HELZ2: variants seen among roughly 807,000 people sequenced by gnomAD.
HELZ2 encodes the protein helicase with zinc finger 2.
A neutral mutation model predicts 208.8 loss-of-function variants in HELZ2; 143 were observed. The ratio of observed to expected loss-of-function variants is 0.68; its 90% CI spans 0.60 to 0.79. The LOEUF is 0.79. HELZ2 is among the 30% of genes least tolerant of loss of function. HELZ2 has a pLI of 0.00. For missense variants in HELZ2, 3,690 were observed against 3,794.5 expected (o/e 0.97, Z 0.72); for synonymous variants, 1,705 against 1,693.7 (o/e 1.01, Z -0.16).
exon 8 of HELZ2, chr20:63,565,169 G>A (rs1439746601): frequency 6.2e-7 from 1 of 1,601,074 alleles, no homozygotes; most frequent in Non-Finnish European, 8.5e-7. Flanking sequence ...GCCATTGATG[G>A]GGACCATGAT....
chr20:63,558,639 A>G (rs2082840958), downstream of HELZ2: 1 of 152,184 alleles, frequency 6.6e-6, no homozygotes, highest in Non-Finnish European at 1.5e-5. Context: ...CCTGGAGTCA[A>G]GCGATTCTCC....
chr20:63,564,262 C>T (rs749599121), exon 8 of HELZ2: 33 of 1,611,230 alleles, frequency 2.0e-5, no homozygotes, highest in Non-Finnish European at 2.5e-5. Flanking sequence ...TGATGTGGGC[C>T]GCGCGGAAGC....
At chr20:63,565,591 C>T (rs2082944215) in exon 8 of HELZ2, 1 of 1,609,562 alleles carries the variant, frequency 6.2e-7, no homozygotes, top group Non-Finnish European at 8.5e-7. Flanking sequence ...CGTCCAGAAG[C>T]TCCCGTAGGA....
intron 3 of HELZ2, chr20:63,570,138 T>C (rs1212053044): frequency 2.3e-5 from 8 of 351,622 alleles, no homozygotes; most frequent in Admixed American, 3.9e-5. Context: ...TTTTTTTTTT[T>C]CAGTAGAGAC....
In HELZ2 at chr20:63,561,813, C is replaced by T. The variant is rs907025497; in HGVS notation, c.6691+10G>A. On this transcript the variant is annotated intron_variant, in intron 11 of 18. Coordinates refer to ENST00000467148, the Ensembl canonical transcript of HELZ2. Reference sequence around the variant, plus strand: ...CTCCCCAAAGGCCCCCACCGCCGACCCCGGCGCACCTGCCAGGACATCCAC... The same window carrying T: ...CTCCCCAAAGGCCCCCACCGCCGACTCCGGCGCACCTGCCAGGACATCCAC... 5.8e-6 allele frequency: 9 copies of T among 1,555,502 alleles called. No homozygotes were observed. Among genetic ancestry groups the T allele is most frequent in the African/African-American group, 1.4e-5 (1 of 73,346 alleles).
Position 63,567,163 on chromosome 20 carries a change from G to A in HELZ2, c.2195C>T (p.Ala732Val), listed in dbSNP as rs535211624. Residue 732 changes from alanine to valine, a missense_variant, in exon 6 of 19, where the codon GCG becomes GTG. Ala to Val is a moderately conservative substitution (Grantham distance 64). Around this residue, in one of 3 missense-constraint regions of HELZ2, gnomAD observed 1,119 missense variants for 1,193.4 expected, o/e 0.94. Coordinates refer to ENST00000467148, the Ensembl canonical transcript of HELZ2. ...GTGGAAGACCAGGCGGCTCTGCCGCGCCACCTCGTGAGTCTCCTGCTGGTA... is the reference window on the plus strand; with the variant it reads ...GTGGAAGACCAGGCGGCTCTGCCGCACCACCTCGTGAGTCTCCTGCTGGTA... The A allele has an allele frequency of 2.5e-5, 40 of 1,609,498 alleles. No individual in the cohort carries two copies. The highest frequency in any genetic ancestry group is 1.7e-4 in the African/African-American group (13 of 75,062).
chr20:63,562,551 C>T (rs1024311463), exon 8 of HELZ2: 24 of 1,595,010 alleles, frequency 1.5e-5, no homozygotes, highest in South Asian at 4.5e-5. Context: ...AGCAGCTCAA[C>T]GGTGAACAGG....
At position 63,567,451 on chromosome 20, in the gene HELZ2, G is replaced by A. The variant is rs1472762854; in HGVS notation, c.1907C>T (p.Ala636Val). The A allele has an allele frequency of 6.4e-7, 1 of 1,558,712 alleles. No homozygotes were observed. Among genetic ancestry groups the A allele is most frequent in the Admixed American group, 1.9e-5 (1 of 51,642 alleles). The change falls in exon 6 of 19, where the codon GCA (alanine) becomes GTA (valine). Residue 636 changes from alanine (A) to valine (V), a missense_variant. Physicochemically the swap from Ala to Val is moderately conservative, Grantham distance 64. Coordinates refer to ENST00000467148, the Ensembl canonical transcript of HELZ2. ...CACCACGCGGTGCCGCGCCAGCTCT[G>A]CCCGTGTGGGCGGGCGGAAAGCCTG... is the stretch of plus-strand genomic sequence containing the variant.
chr20:63,559,039 T>C, downstream of HELZ2: 1 of 545,160 alleles, frequency 1.8e-6, no homozygotes. Flanking sequence ...GAGGTGTTCC[T>C]GTCCCCAGAT....
At chr20:63,565,288 C>T (rs1045631264) in exon 8 of HELZ2, 20 of 1,605,228 alleles carry the variant, frequency 1.2e-5, no homozygotes, top group Non-Finnish European at 1.4e-5. Context: ...CCTTGTCTCC[C>T]GAAAGGAGCT....
At chr20:63,567,233 C>A in exon 6 of HELZ2, 1 of 1,608,080 alleles carries the variant, frequency 6.2e-7, no homozygotes, top group Non-Finnish European at 8.5e-7. Context: ...GCCGCCCGGG[C>A]CCTGGCCACA....
chr20:63,565,203 G>A (rs750726958), exon 8 of HELZ2: 44 of 1,608,140 alleles, frequency 2.7e-5, no homozygotes, highest in South Asian at 7.8e-5. Flanking sequence ...GTGTCCATGC[G>A]GCACACAAAC....
At chr20:63,567,820 C>A in intron 5 of HELZ2, 193 bp from the exon 7 acceptor site, 1 of 1,317,168 alleles carries the variant, frequency 7.6e-7, no homozygotes, top group Non-Finnish European at 1.0e-6. Context: ...CTTCAGGCAA[C>A]ACCTGGGCGA....
chr20:63,562,749 C>T (rs112073995), exon 8 of HELZ2: 133 of 1,603,076 alleles, frequency 8.3e-5, no homozygotes, highest in African/African-American at 2.1e-4. Flanking sequence ...CTGCTGGGCC[C>T]AGGGCGTGGG....
At position 63,564,676 on chromosome 20, in the gene HELZ2, G is replaced by A. The variant is rs371154603; in HGVS notation, c.4146C>T (p.Asp1382=). 2,673 of 1,587,366 alleles carry A rather than the reference G, an allele frequency of 1.7e-3. 61 individuals carry two copies. In the South Asian group the frequency reaches 0.027, roughly 16 times the overall value. The change falls in exon 8 of 19, where the codon GAC becomes GAT. Residue 1382 remains aspartate (D), a synonymous_variant. Coordinates refer to ENST00000467148, the Ensembl canonical transcript of HELZ2. ...TTCGCGCCTCCACGTCCAGCACCCC[G>A]TCCCTGGGCACGAAGCTGGCCACAT...
In HELZ2 at chr20:63,565,049, T is replaced by G. The variant is rs751855079; in HGVS notation, c.3773A>C (p.Glu1258Ala). 19 of 1,563,314 alleles carry G rather than the reference T, an allele frequency of 1.2e-5. No homozygotes were observed. The South Asian group carries it at 1.6e-4, about 13-fold the overall frequency. The change falls in exon 8 of 19, where the codon GAG (glutamate) becomes GCG (alanine). Residue 1258 changes from glutamate (E) to alanine (A), a missense_variant. Around this residue, in one of 3 missense-constraint regions of HELZ2, gnomAD observed 2,564 missense variants for 2,580.5 expected, o/e 0.99. Coordinates refer to ENST00000467148, the Ensembl canonical transcript of HELZ2. ...CCAGAAGAGCCGGCTGTGCCGGGCC[T>G]CGGCGGTGAGCCTCTCAAGCCCCAC...
chr20:63,570,770 C>A (rs1380208695), exon 2 of HELZ2: 1 of 1,610,776 alleles, frequency 6.2e-7, no homozygotes. Context: ...GGCCGCCTGC[C>A]CCCGCAGCTC....
chr20:63,570,345 T>C (rs1294664643), intron 3 of HELZ2, 159 bp downstream of exon 4: 2 of 723,384 alleles, frequency 2.8e-6, no homozygotes, highest in East Asian at 2.7e-5. Flanking sequence ...GTGAGGAGAC[T>C]GAGGCAGAGA....
chr20:63,560,899 G>A (rs565219153), exon 15 of HELZ2: 17 of 1,612,884 alleles, frequency 1.1e-5, no homozygotes, highest in African/African-American at 1.3e-5. Flanking sequence ...ACCACAGGCC[G>A]CAGCTGCTTG....
Sources: allele counts gnomAD v4.1 joint callset, GRCh38; gene constraint gnomAD v4.1.1; regional missense constraint gnomAD v4.1.1; transcripts MANE v1.5; gene names NCBI Gene and HGNC (gene_info 2026-07-23, HGNC 2026-07-21).